Variants in AOAH observed in about 807,000 individuals in gnomAD.
AOAH encodes acyloxyacyl hydrolase (neutrophil).
Under a neutral mutation model 92.2 loss-of-function variants are expected in AOAH, and 64 were observed. The observed-to-expected ratio is 0.69, with a 90% CI of 0.57 to 0.86. The LOEUF (loss-of-function observed/expected upper bound fraction) is 0.86. Ranked by LOEUF, AOAH falls within the 40% of genes least tolerant of loss-of-function variation. The pLI is 0.00. For missense variants in AOAH, 656 were observed against 694.6 expected (o/e 0.94, Z 0.62); for synonymous variants, 263 against 254.5 (o/e 1.03, Z -0.32).
chr7:36,558,856 C>T (rs746072998), intron 13 of AOAH, among the ~76,000 whole-genome samples: 10 of 152,222 alleles, frequency 6.6e-5, no homozygotes, highest in South Asian at 2.1e-4. Context: ...GGGAGTGACC[C>T]GATTTTCCAG....
intron 3 of AOAH, among the ~76,000 whole-genome samples, chr7:36,665,975 C>T (rs1795511721): frequency 6.6e-6 from 1 of 152,014 alleles, no homozygotes; most frequent in Non-Finnish European, 1.5e-5. Context: ...ATTTTCCAAT[C>T]TATATTCATG....
intron 1 of AOAH, among the ~76,000 whole-genome samples, chr7:36,704,807 G>T (rs1156947713): frequency 6.6e-6 from 1 of 152,270 alleles, no homozygotes; most frequent in East Asian, 1.9e-4. Flanking sequence ...GAGCAAGTCA[G>T]CTTCATCCCT....
chr7:36,600,638 A>G (rs1790500673), intron 11 of AOAH, among the ~76,000 whole-genome samples: 1 of 152,060 alleles, frequency 6.6e-6, no homozygotes. Flanking sequence ...CAAGAAAGGG[A>G]GAGGTGTAGA....
intron 13 of AOAH, among the ~76,000 whole-genome samples, chr7:36,552,985 A>ATTG (rs1786389498): frequency 6.8e-6 from 1 of 146,328 alleles, no homozygotes; most frequent in Admixed American, 6.9e-5. Context: ...TATTATTATT[A>ATTG]TACTTTAAGT....
At chr7:36,515,367 C>CA (rs1783571096) in intron 20 of AOAH, among the ~76,000 whole-genome samples, 1 of 98,984 alleles carries the variant, frequency 1.0e-5, no homozygotes, top group Non-Finnish European at 2.0e-5. Context: ...CACACACACA[C>CA]CACACACACC....
At chr7:36,670,249 C>T (rs1795833882) in intron 3 of AOAH, among the ~76,000 whole-genome samples, 1 of 152,166 alleles carries the variant, frequency 6.6e-6, no homozygotes, top group South Asian at 2.1e-4. Context: ...ATGAGGTTGT[C>T]ATTTTCAGGC....
At chr7:36,591,590 G>T (rs2116779617) in intron 12 of AOAH, among the ~76,000 whole-genome samples, 1 of 152,360 alleles carries the variant, frequency 6.6e-6, no homozygotes, top group East Asian at 1.9e-4. Context: ...TTTGATGGAA[G>T]ATCCTGTCTG....
chr7:36,653,416 A>C (rs1794699446), intron 4 of AOAH, among the ~76,000 whole-genome samples: 1 of 152,252 alleles, frequency 6.6e-6, no homozygotes, highest in South Asian at 2.1e-4. Context: ...TAGGCGAAAC[A>C]TAATTTGTCA....
At chr7:36,628,716 G>A (rs1010954456) in intron 6 of AOAH, among the ~76,000 whole-genome samples, 2 of 152,228 alleles carry the variant, frequency 1.3e-5, no homozygotes, top group African/African-American at 2.4e-5. Context: ...GCATTAGACC[G>A]AATGGGACGG....
chr7:36,584,933 A>G (rs1789204556), intron 12 of AOAH, among the ~76,000 whole-genome samples: 1 of 152,208 alleles, frequency 6.6e-6, no homozygotes, highest in Non-Finnish European at 1.5e-5. Flanking sequence ...GCCATGTGTC[A>G]TGTACTGTGC....
chr7:36,703,539 C>T (rs1345145885), intron 1 of AOAH, among the ~76,000 whole-genome samples: 1 of 152,102 alleles, frequency 6.6e-6, no homozygotes, highest in Admixed American at 6.6e-5. Context: ...TGCTATCCCT[C>T]CCCTTGCCTC....
At chr7:36,626,294 A>G (rs1792658327) in intron 6 of AOAH, among the ~76,000 whole-genome samples, 1 of 152,242 alleles carries the variant, frequency 6.6e-6, no homozygotes, top group South Asian at 2.1e-4. Context: ...TGCCAAAGCT[A>G]TCCCCTCCCA....
chr7:36,655,488 C>T (rs1425659834), intron 4 of AOAH, among the ~76,000 whole-genome samples: 1 of 152,078 alleles, frequency 6.6e-6, no homozygotes, highest in African/African-American at 2.4e-5. Context: ...CAAGGCAGAG[C>T]CAGTCACTTG....
intron 1 of AOAH, among the ~76,000 whole-genome samples, chr7:36,717,884 A>G (rs1460301105): frequency 6.6e-6 from 1 of 152,012 alleles, no homozygotes; most frequent in Non-Finnish European, 1.5e-5. Flanking sequence ...TAATAACTAC[A>G]ACAACAATTT....
intron 11 of AOAH, among the ~76,000 whole-genome samples, chr7:36,613,316 T>C (rs1791609678): frequency 6.6e-6 from 1 of 152,204 alleles, no homozygotes; most frequent in African/African-American, 2.4e-5. Context: ...GTATCTTCCC[T>C]CGTTGTTGGT....
At chr7:36,639,462 T>G (rs989151580) in intron 4 of AOAH, among the ~76,000 whole-genome samples, 14 of 152,186 alleles carry the variant, frequency 9.2e-5, no homozygotes, top group African/African-American at 3.4e-4. Flanking sequence ...GCACAGTCCT[T>G]GAGGCATAGT....
intron 6 of AOAH, among the ~76,000 whole-genome samples, chr7:36,629,184 A>G (rs1792886876): frequency 6.6e-6 from 1 of 152,244 alleles, no homozygotes; most frequent in South Asian, 2.1e-4. Context: ...GACCTGCTGC[A>G]TATGACACTT....
chr7:36,644,639 G>A (rs1794116250), intron 4 of AOAH, among the ~76,000 whole-genome samples: 1 of 152,154 alleles, frequency 6.6e-6, no homozygotes, highest in Admixed American at 6.5e-5. Context: ...GCTTTCTAAG[G>A]TTCTGTGATG....
At position 36,530,471 on chromosome 7, in the gene AOAH, C is replaced by G; in HGVS notation, c.1469G>C (p.Ser490Thr). The change falls in exon 19 of 21, where the codon AGT (serine) becomes ACT (threonine). Residue 490 changes from serine (S) to threonine (T), a missense_variant. Ser to Thr is a moderately conservative substitution (Grantham distance 58). Transcript: ENST00000617537. Reference sequence around the variant, plus strand: ...AAGATTGAAGTTTGTAAATTTCTCACTGGCTGCAATTTTTTTCAGTGTGTT... The same window carrying G: ...AAGATTGAAGTTTGTAAATTTCTCAGTGGCTGCAATTTTTTTCAGTGTGTT... ...LSNTLKKIAA[S>T]EKFTNFNLFY... 6.2e-7 allele frequency: 1 copy of G among 1,614,036 alleles called. No homozygotes were observed. The highest frequency in any genetic ancestry group is 8.5e-7 in the Non-Finnish European group (1 of 1,179,902).
Sources: gnomAD v4.1 joint callset for allele counts (sites outside exome capture counted in the v4.1 genomes callset) on GRCh38, gnomAD v4.1.1 for gene constraint, MANE v1.5 for transcripts, NCBI Gene and HGNC (gene_info 2026-07-23, HGNC 2026-07-21) for gene names.